Variants in SNX10 observed in about 807,000 individuals in gnomAD.
SNX10 encodes sorting nexin 10.
Under a neutral mutation model 28.5 loss-of-function variants are expected in SNX10, and 25 were observed. That is an observed-to-expected ratio of 0.88 (90% CI 0.64 to 1.22). SNX10 has a LOEUF of 1.22. Ranked by LOEUF, SNX10 falls within the 50% of genes most tolerant of loss-of-function variation. The pLI is 0.00. For synonymous variants in SNX10, 62 were observed against 81.4 expected (o/e 0.76, Z 1.28); for missense variants, 223 against 242.6 (o/e 0.92, Z 0.54).
intron 1 of SNX10, among the ~76,000 whole-genome samples, chr7:26,299,299 G>C (rs147425905): frequency 0.012 from 1,838 of 152,098 alleles, 43 homozygotes; most frequent in African/African-American, 0.041. Flanking sequence ...GGGTTCAAGC[G>C]ATTCTTCTGC....
Position 26,361,023 on chromosome 7 carries a change from T to C in SNX10, c.73T>C (p.Phe25Leu), listed in dbSNP as rs1267218537. Residue 25 changes from phenylalanine to leucine, a missense_variant, in exon 3 of 7, where the codon TTC becomes CTC. Transcript: ENST00000338523. ...VRDPRIQKED[F>L]WHSYIDYEIC... Reference sequence around the variant, plus strand: ...AGATCCTAGGATTCAGAAGGAGGACTTCTGGCATTCTTACATTGACTATGA... The same window carrying C: ...AGATCCTAGGATTCAGAAGGAGGACCTCTGGCATTCTTACATTGACTATGA... 6.2e-7 allele frequency: 1 copy of C among 1,610,688 alleles called. No homozygotes were observed.
intron 1 of SNX10, among the ~76,000 whole-genome samples, chr7:26,326,472 G>T (rs114049300): frequency 4.9e-4 from 75 of 152,144 alleles, no homozygotes; most frequent in African/African-American, 1.7e-3. Flanking sequence ...TCCCTACATG[G>T]ATCATACTGT....
chr7:26,345,233 C>G (rs1396280551), intron 1 of SNX10, among the ~76,000 whole-genome samples: 1 of 152,182 alleles, frequency 6.6e-6, no homozygotes, highest in African/African-American at 2.4e-5. Flanking sequence ...CACAATTCCA[C>G]CCCACTACAC....
At chr7:26,347,132 C>T (rs1043632287) in intron 2 of SNX10, among the ~76,000 whole-genome samples, 1 of 146,082 alleles carries the variant, frequency 6.8e-6, no homozygotes, top group Admixed American at 6.8e-5. Flanking sequence ...CACGTGCACA[C>T]ACATGCACAC....
chr7:26,312,801 GGC>G (rs1786902123), intron 1 of SNX10, among the ~76,000 whole-genome samples: 1 of 151,822 alleles, frequency 6.6e-6, no homozygotes, highest in African/African-American at 2.4e-5. Flanking sequence ...AGAAAATAGT[GGC>G]ACCTAAACAC....
intron 1 of SNX10, among the ~76,000 whole-genome samples, chr7:26,345,680 A>C (rs1788356163): frequency 6.6e-6 from 1 of 152,214 alleles, no homozygotes; most frequent in South Asian, 2.1e-4. Flanking sequence ...ATATTATCAA[A>C]GTGAAGGCAA....
intron 1 of SNX10, among the ~76,000 whole-genome samples, chr7:26,294,973 T>C (rs935102429): frequency 9.2e-5 from 14 of 152,198 alleles, no homozygotes; most frequent in African/African-American, 3.1e-4. Context: ...CAAGGGCAAC[T>C]CCTATTGATA....
intron 1 of SNX10, among the ~76,000 whole-genome samples, chr7:26,321,571 G>A (rs1042143466): frequency 3.9e-5 from 6 of 152,142 alleles, no homozygotes; most frequent in African/African-American, 1.2e-4. Context: ...CCTTGGCCAC[G>A]TGTTCCTTTC....
intron 1 of SNX10, among the ~76,000 whole-genome samples, chr7:26,342,398 T>A (rs181942978): frequency 4.6e-5 from 7 of 152,328 alleles, no homozygotes; most frequent in Admixed American, 3.9e-4. Flanking sequence ...TCTCAAACCA[T>A]ACAATTGCGC....
chr7:26,360,201 A>G (rs972943579), intron 2 of SNX10, among the ~76,000 whole-genome samples: 4 of 152,200 alleles, frequency 2.6e-5, no homozygotes, highest in Admixed American at 2.6e-4. Context: ...GGATGCATGC[A>G]CAAAGTCAAC....
At chr7:26,350,669 C>G (rs1788561408) in intron 2 of SNX10, among the ~76,000 whole-genome samples, 1 of 131,836 alleles carries the variant, frequency 7.6e-6, no homozygotes, top group Non-Finnish European at 1.6e-5. Flanking sequence ...TTCTTCCTCC[C>G]TTTTTCCCCT....
intron 1 of SNX10, among the ~76,000 whole-genome samples, chr7:26,302,606 C>T (rs528235583): frequency 1.6e-4 from 25 of 152,324 alleles, no homozygotes; most frequent in African/African-American, 5.3e-4. Context: ...GTGTTGTGCA[C>T]TCTTATTCTT....
At chr7:26,310,605 G>T (rs990029485) in intron 1 of SNX10, among the ~76,000 whole-genome samples, 1 of 152,052 alleles carries the variant, frequency 6.6e-6, no homozygotes, top group East Asian at 1.9e-4. Context: ...TGGTGAGTTG[G>T]GGGTGGGGAG....
intron 1 of SNX10, among the ~76,000 whole-genome samples, chr7:26,319,891 G>A (rs1437377835): frequency 6.6e-6 from 1 of 151,998 alleles, no homozygotes; most frequent in African/African-American, 2.4e-5. Flanking sequence ...AGCAAAAGAG[G>A]AAGAAAGAAG....
chr7:26,372,357 A>G (rs1789588534), intron 6 of SNX10, 134 bp from the exon 7 acceptor site: 1 of 687,158 alleles, frequency 1.5e-6, no homozygotes, highest in Admixed American at 2.3e-5. Flanking sequence ...CCAAATGGCT[A>G]ATTAAAAGTC....
rs11310428 is a variant in SNX10, at chr7:26,317,659, CTT to C, written c.-24+25593_-24+25594del. Among the ~76,000 whole-genome samples, 106 of 106,202 alleles carry C rather than the reference CTT, an allele frequency of 1.0e-3. 1 individual carries two copies. The highest frequency in any genetic ancestry group is 2.1e-3 in the South Asian group (6 of 2,808). 69.7% of individuals were successfully genotyped at this position (106,202 alleles called of 152,430 possible). A position where few individuals can be genotyped will look rare whatever the true frequency, so the allele number is the denominator to read the frequency against. ...ATATTTAATGGTGATCTTCTTTGAT[CTT>C]TTTTTTTTTTTTTTTTTTTGAGACA... On this transcript the variant is annotated intron_variant, in intron 1 of 6. Coordinates refer to ENST00000338523, the MANE Select transcript of SNX10 (RefSeq NM_013322.3).
At chr7:26,354,417 C>T (rs987781390) in intron 2 of SNX10, among the ~76,000 whole-genome samples, 12 of 152,216 alleles carry the variant, frequency 7.9e-5, no homozygotes, top group African/African-American at 1.2e-4. Context: ...GTGATCTCAG[C>T]TCACTGCAAC....
rs1170605186 is a variant in SNX10 at position 26,374,314 on chromosome 7, C to T, written c.*1742C>T. On this transcript the variant is annotated 3_prime_UTR_variant, in exon 7 of 7. Coordinates refer to ENST00000338523, the MANE Select transcript of SNX10 (RefSeq NM_013322.3). ...GTCACGAGATCATTTTTACATTAAA[C>T]GTGAAAAAAAATCAACTTTGCCGGA... 1 of 151,780 alleles carries T rather than the reference C, an allele frequency of 6.6e-6. No individual in the cohort carries two copies. The highest frequency in any genetic ancestry group is 2.4e-5 in the African/African-American group (1 of 41,326). 9.4% of individuals were successfully genotyped at this position (151,780 alleles called of 1,614,324 possible).
chr7:26,350,565 G>T (rs945907391), intron 2 of SNX10, among the ~76,000 whole-genome samples: 26 of 152,102 alleles, frequency 1.7e-4, no homozygotes, highest in Admixed American at 1.4e-3. Context: ...TATTAGCTAG[G>T]ATCCTGTGAT....
Sources: gnomAD v4.1 joint callset for allele counts (sites outside exome capture counted in the v4.1 genomes callset) on GRCh38, gnomAD v4.1.1 for gene constraint, MANE v1.5 for transcripts, NCBI Gene and HGNC (gene_info 2026-07-23, HGNC 2026-07-21) for gene names.